TLL2: variants seen among roughly 807,000 people sequenced by gnomAD.
TLL2 encodes tolloid-like protein 2.
Under a neutral mutation model 123.0 loss-of-function variants are expected in TLL2, and 106 were observed. The ratio of observed to expected loss-of-function variants is 0.86; its 90% CI spans 0.74 to 1.01. TLL2 has a LOEUF of 1.01. Among genes scored for constraint, TLL2 ranks in the 50% least tolerant of loss-of-function variants. The pLI, the probability that TLL2 is intolerant of heterozygous loss-of-function variation, is 0.00. For synonymous variants in TLL2, 494 were observed against 516.8 expected, an observed-to-expected ratio of 0.96 and a Z score of 0.60; for missense variants, 1,332 against 1,336.7, an observed-to-expected ratio of 1.00 and a Z score of 0.06.
At chr10:96,474,737 A>G (rs984157654) in intron 2 of TLL2, among the ~76,000 whole-genome samples, 1 of 152,184 alleles carries the variant, frequency 6.6e-6, no homozygotes, top group African/African-American at 2.4e-5. Flanking sequence ...CATGCAATCT[A>G]CAACTGAGTG....
At chr10:96,371,429 T>A (rs908454187) in intron 19 of TLL2, among the ~76,000 whole-genome samples, 1 of 152,166 alleles carries the variant, frequency 6.6e-6, no homozygotes, top group Non-Finnish European at 1.5e-5. Flanking sequence ...CCCTCCCCAG[T>A]GTGCTCCATG....
chr10:96,511,426 GC>G (rs1847630911), intron 1 of TLL2, among the ~76,000 whole-genome samples: 1 of 152,218 alleles, frequency 6.6e-6, no homozygotes, highest in South Asian at 2.1e-4. Flanking sequence ...CATCAGTGTA[GC>G]CCAGGGAGAG....
At chr10:96,477,044 T>C (rs1847265691) in intron 2 of TLL2, among the ~76,000 whole-genome samples, 1 of 150,402 alleles carries the variant, frequency 6.6e-6, no homozygotes, top group Non-Finnish European at 1.5e-5. Flanking sequence ...TTTTTTTTTT[T>C]TTTTTTTTTT....
chr10:96,486,357 A>C (rs1847356682), intron 1 of TLL2, among the ~76,000 whole-genome samples: 5 of 152,170 alleles, frequency 3.3e-5, no homozygotes, highest in Admixed American at 3.3e-4. Context: ...GGAGCATTCT[A>C]GTTATACTTA....
chr10:96,375,629 C>T lies in TLL2; in HGVS notation c.2448+1063G>A, dbSNP rs75589512. On this transcript the variant is annotated intron_variant, in intron 18 of 20. Transcript: ENST00000357947. ...AGCAGCAGTTTCCCCACGGGCAGCC[C>T]AGCATGTGAACTGCCCGCTGGGAGC... Among the ~76,000 whole-genome samples, 1,069 of 152,296 alleles carry T rather than the reference C, an allele frequency of 7.0e-3. 50 individuals carry two copies. In the East Asian group the frequency reaches 0.09, roughly 13 times the overall value.
chr10:96,420,865 G>T, intron 7 of TLL2, 91 bp downstream of exon 7: 1 of 1,099,616 alleles, frequency 9.1e-7, no homozygotes, highest in Non-Finnish European at 1.4e-6. Flanking sequence ...GAAGCATGCA[G>T]AGACCCACTC....
At chr10:96,403,146 G>A (rs987220264) in intron 10 of TLL2, among the ~76,000 whole-genome samples, 1 of 152,142 alleles carries the variant, frequency 6.6e-6, no homozygotes, top group African/African-American at 2.4e-5. Flanking sequence ...ACTTCTGCCT[G>A]TCTCACCAGC....
intron 7 of TLL2, among the ~76,000 whole-genome samples, chr10:96,414,411 C>T (rs539974623): frequency 4.6e-5 from 7 of 152,294 alleles, no homozygotes; most frequent in East Asian, 1.9e-4. Flanking sequence ...TTCCAATCTC[C>T]GTCTGCCCTC....
chr10:96,387,828 A>C (rs1358425481), intron 13 of TLL2, among the ~76,000 whole-genome samples: 1 of 152,172 alleles, frequency 6.6e-6, no homozygotes, highest in Non-Finnish European at 1.5e-5. Flanking sequence ...CACTCCCCAG[A>C]CACATTAACC....
rs952912318 is a variant in TLL2, at chr10:96,367,119, C to G, written c.*969G>C. ...TAACTTATAATTAACCAGTCTTCAA[C>G]AGTGTTCACCCCATAAGGGACCTGA... On this transcript the variant is annotated 3_prime_UTR_variant, in exon 21 of 21. Coordinates refer to ENST00000357947, the MANE Select transcript of TLL2 (RefSeq NM_012465.4). 5 of 152,264 alleles carry G rather than the reference C, an allele frequency of 3.3e-5. No individual in the cohort carries two copies. The highest frequency in any genetic ancestry group is 1.2e-4 in the African/African-American group (5 of 41,468). The allele number at this position is 152,264 out of a possible 1,614,324, so 9.4% of individuals were successfully genotyped here. A position where few individuals can be genotyped will look rare whatever the true frequency, so the allele number is the denominator to read the frequency against.
At chr10:96,471,603 T>G (rs1847184683) in intron 2 of TLL2, among the ~76,000 whole-genome samples, 1 of 152,220 alleles carries the variant, frequency 6.6e-6, no homozygotes, top group Admixed American at 6.5e-5. Context: ...ATAAGTGTTT[T>G]ACGTGTCACA....
At chr10:96,447,192 G>C (rs11188760) in intron 2 of TLL2, among the ~76,000 whole-genome samples, 64 of 152,228 alleles carry the variant, frequency 4.2e-4, no homozygotes, top group Non-Finnish European at 6.6e-4. Flanking sequence ...ACGGGGACTG[G>C]GCTTGTCATG....
Position 96,384,684 on chromosome 10 carries a change from C to T in TLL2, c.2097G>A (p.Thr699=), listed in dbSNP as rs754225931. ...TGCTCTGCGAGGTGATGACCTCCGG[C>T]GTCTCAGAGCCGCAGAACCTGCCGT... The part of the protein sequence containing the change: ...KLHGRFCGSE[T]PEVITSQSNN... The change falls in exon 16 of 21, where the codon ACG becomes ACA. Residue 699 remains threonine, a synonymous_variant. Coordinates refer to ENST00000357947, the MANE Select transcript of TLL2 (RefSeq NM_012465.4). 3.7e-6 allele frequency: 6 copies of T among 1,612,840 alleles called. No individual in the cohort carries two copies. The highest frequency in any genetic ancestry group is 2.2e-5 in the East Asian group (1 of 44,846).
chr10:96,450,266 A>G (rs1480038164), intron 2 of TLL2, among the ~76,000 whole-genome samples: 1 of 152,134 alleles, frequency 6.6e-6, no homozygotes, highest in African/African-American at 2.4e-5. Context: ...CAACTGTTGG[A>G]AAAAAATTGT....
intron 3 of TLL2, among the ~76,000 whole-genome samples, chr10:96,441,555 C>T (rs1383088854): frequency 6.6e-6 from 1 of 152,204 alleles, no homozygotes; most frequent in Non-Finnish European, 1.5e-5. Context: ...ACCACTGATA[C>T]AGCCCAAAGG....
At chr10:96,477,506 C>G (rs1272169474) in intron 2 of TLL2, among the ~76,000 whole-genome samples, 2 of 152,028 alleles carry the variant, frequency 1.3e-5, no homozygotes, top group Non-Finnish European at 2.9e-5. Context: ...GAATGCCCAG[C>G]TCCCCACTCT....
At chr10:96,405,833 G>T (rs1406271764) in intron 9 of TLL2, among the ~76,000 whole-genome samples, 2 of 152,158 alleles carry the variant, frequency 1.3e-5, no homozygotes, top group African/African-American at 4.8e-5. Flanking sequence ...CCTTCCTACA[G>T]TTAGTCCATT....
intron 2 of TLL2, among the ~76,000 whole-genome samples, chr10:96,473,181 G>A (rs982417454): frequency 2.0e-5 from 3 of 152,168 alleles, no homozygotes; most frequent in African/African-American, 4.8e-5. Context: ...AAGCCTGGGC[G>A]TGTTGGCTAA....
At position 96,443,874 on chromosome 10, in the gene TLL2, C is replaced by A. The variant is rs138633815; in HGVS notation, c.364+2217G>T. ...AAAAACGCGGATCTGAAAGCAAGCCCTGCACATAGCCCAAACAACAAGCTG... is the reference window on the plus strand; with the variant it reads ...AAAAACGCGGATCTGAAAGCAAGCCATGCACATAGCCCAAACAACAAGCTG... On this transcript the variant is annotated intron_variant, in intron 3 of 20. Coordinates refer to ENST00000357947, the MANE Select transcript of TLL2 (RefSeq NM_012465.4). 9.2e-4 allele frequency among the ~76,000 whole-genome samples: 140 copies of A among 152,290 alleles called. 1 individual carries two copies. The highest frequency in any genetic ancestry group is 1.8e-3 in the Admixed American group (28 of 15,280).
Sources: gnomAD v4.1 joint callset for allele counts (sites outside exome capture counted in the v4.1 genomes callset) on GRCh38, gnomAD v4.1.1 for gene constraint, MANE v1.5 for transcripts, NCBI Gene and HGNC (gene_info 2026-07-23, HGNC 2026-07-21) for gene names.